RNF13: variants seen among roughly 807,000 people sequenced by gnomAD.
RNF13 encodes the protein ring finger protein 13.
A neutral mutation model predicts 37.7 loss-of-function variants in RNF13; 19 were observed. That is an observed-to-expected ratio of 0.50 (90% CI 0.35 to 0.74). The LOEUF is 0.74. RNF13 is among the 30% of genes least tolerant of loss of function. RNF13 has a pLI of 0.01. For synonymous variants in RNF13, 144 were observed against 157.8 expected (o/e 0.91, Z 0.65); for missense variants, 375 against 453.0 (o/e 0.83, Z 1.56).
intron 8 of RNF13, among the ~76,000 whole-genome samples, chr3:149,954,197 T>C (rs995478664): frequency 4.6e-5 from 7 of 151,512 alleles, no homozygotes; most frequent in Non-Finnish European, 7.4e-5. Context: ...ACACAGATGT[T>C]AGAAAAAAAA....
At chr3:149,874,653 A>G (rs558228023) in intron 4 of RNF13, among the ~76,000 whole-genome samples, 28 of 152,316 alleles carry the variant, frequency 1.8e-4, no homozygotes, top group African/African-American at 6.7e-4. Flanking sequence ...CATGTGATAT[A>G]GCAACTCAGT....
intron 4 of RNF13, among the ~76,000 whole-genome samples, chr3:149,878,509 A>G (rs1713014199): frequency 6.6e-6 from 1 of 152,208 alleles, no homozygotes; most frequent in South Asian, 2.1e-4. Context: ...TGCTTGCTAT[A>G]ATTCTGGATC....
At chr3:149,948,186 T>C (rs747658291) in intron 8 of RNF13, among the ~76,000 whole-genome samples, 24 of 152,048 alleles carry the variant, frequency 1.6e-4, no homozygotes, top group Non-Finnish European at 2.8e-4. Flanking sequence ...CCTAACCTCA[T>C]GATCTGCCCA....
intron 6 of RNF13, among the ~76,000 whole-genome samples, chr3:149,910,358 T>C (rs1716867577): frequency 6.6e-6 from 1 of 152,172 alleles, no homozygotes; most frequent in Non-Finnish European, 1.5e-5. Context: ...TCCTTTGTCA[T>C]CCCCCATTCT....
intron 8 of RNF13, among the ~76,000 whole-genome samples, chr3:149,956,802 T>C (rs1721909657): frequency 6.6e-6 from 1 of 152,198 alleles, no homozygotes; most frequent in Admixed American, 6.5e-5. Context: ...CAGGGGTTTC[T>C]ATGAGGGTTT....
chr3:149,865,738 T>G (rs900930967), intron 3 of RNF13, among the ~76,000 whole-genome samples: 5 of 152,200 alleles, frequency 3.3e-5, no homozygotes, highest in South Asian at 2.1e-4. Flanking sequence ...GCATTTGGTG[T>G]TGTTTTTCTA....
chr3:149,885,998 C>T lies in RNF13; in HGVS notation c.322-9475C>T, dbSNP rs781703638. Among the ~76,000 whole-genome samples the T allele has an allele frequency of 2.0e-5, 3 of 152,250 alleles. No homozygotes were observed. In the East Asian group the frequency reaches 5.8e-4, roughly 29 times the overall value. On this transcript the variant is annotated intron_variant, in intron 4 of 9. Transcript: ENST00000392894. ...ATTCATTGAAGAGACTGTCTTTTCC[C>T]CAGTGTATGTTCTTGACATTATTGT... is the stretch of plus-strand genomic sequence containing the variant.
chr3:149,899,587 A>T (rs1337549920), intron 5 of RNF13, among the ~76,000 whole-genome samples: 1 of 152,236 alleles, frequency 6.6e-6, no homozygotes, highest in Non-Finnish European at 1.5e-5. Context: ...AAGGTGAGCA[A>T]AAGTGCCAAC....
intron 2 of RNF13, among the ~76,000 whole-genome samples, chr3:149,846,827 T>C (rs980159458): frequency 6.6e-6 from 1 of 152,202 alleles, no homozygotes; most frequent in African/African-American, 2.4e-5. Context: ...TAATAATATT[T>C]AAGAAATTCT....
At chr3:149,844,774 T>A (rs947833613) in intron 1 of RNF13, among the ~76,000 whole-genome samples, 1 of 152,174 alleles carries the variant, frequency 6.6e-6, no homozygotes, top group African/African-American at 2.4e-5. Context: ...AAAGCTTTAT[T>A]GAGATACAAT....
In RNF13 at chr3:149,864,008, A is replaced by ATTT. The variant is rs535062004; in HGVS notation, c.196-7991_196-7989dup. ...GCTGGAATGGCAATGTTTGATTGGAATTTTTTTTTTTTTTTTTTTTTTTTT... is the reference window on the plus strand; with the variant it reads ...GCTGGAATGGCAATGTTTGATTGGAATTTTTTTTTTTTTTTTTTTTTTTTTTTT... On this transcript the variant is annotated intron_variant, in intron 3 of 9. Coordinates refer to ENST00000392894, the MANE Select transcript of RNF13 (RefSeq NM_183381.3). Among the ~76,000 whole-genome samples the ATTT allele has an allele frequency of 5.7e-4, 17 of 29,692 alleles. 1 individual carries two copies. Among genetic ancestry groups the ATTT allele is most frequent in the Non-Finnish European group, 7.3e-4 (13 of 17,906 alleles). The allele number at this position is 29,692 out of a possible 152,430, so 19.5% of individuals were successfully genotyped here.
intron 1 of RNF13, among the ~76,000 whole-genome samples, chr3:149,820,639 T>C (rs1241696955): frequency 1.3e-5 from 2 of 152,228 alleles, no homozygotes; most frequent in Non-Finnish European, 2.9e-5. Flanking sequence ...GTTAATTGCT[T>C]TTTTTGGAAA....
intron 6 of RNF13, among the ~76,000 whole-genome samples, chr3:149,904,271 C>G (rs1716167013): frequency 6.6e-6 from 1 of 152,124 alleles, no homozygotes; most frequent in South Asian, 2.1e-4. Flanking sequence ...AGTATGTACA[C>G]AACAGACTCA....
At chr3:149,853,862 G>T in intron 3 of RNF13, among the ~76,000 whole-genome samples, 1 of 141,344 alleles carries the variant, frequency 7.1e-6, no homozygotes, top group Admixed American at 7.1e-5. Flanking sequence ...TTTAAGGTAG[G>T]GTTTCACTCT....
chr3:149,816,776 A>G (rs1576702171), intron 1 of RNF13, among the ~76,000 whole-genome samples: 1 of 152,264 alleles, frequency 6.6e-6, no homozygotes, highest in African/African-American at 2.4e-5. Context: ...CTCTTTATGG[A>G]TAATAATTTG....
Position 149,961,019 on chromosome 3 carries a change from C to G in RNF13, c.1061C>G (p.Ala354Gly), listed in dbSNP as rs867098319. ...DDNEDTDSSD[A>G]ENEINEHDVV... ...AATGAAGATACTGACAGTAGTGATG[C>G]AGAAAATGAAATTAATGAACATGAT... The change falls in exon 10 of 10, where the codon GCA becomes GGA. Residue 354 changes from alanine to glycine, a missense_variant. Ala to Gly is a moderately conservative substitution (Grantham distance 60, BLOSUM62 0). Transcript: ENST00000392894. 3 of 1,613,978 alleles carry G rather than the reference C, an allele frequency of 1.9e-6. No homozygotes were observed. The African/African-American group carries it at 4.0e-5, about 22-fold the overall frequency.
At chr3:149,885,683 G>A (rs1713943283) in intron 4 of RNF13, among the ~76,000 whole-genome samples, 1 of 152,086 alleles carries the variant, frequency 6.6e-6, no homozygotes, top group African/African-American at 2.4e-5. Context: ...TCTGTAGGTT[G>A]TCTCTTTACT....
At chr3:149,893,028 A>C (rs548518392) in intron 4 of RNF13, among the ~76,000 whole-genome samples, 1 of 152,232 alleles carries the variant, frequency 6.6e-6, no homozygotes, top group Non-Finnish European at 1.5e-5. Context: ...AGCCAGTTCT[A>C]CACAGGGTCA....
intron 4 of RNF13, among the ~76,000 whole-genome samples, chr3:149,877,472 C>CTTTTTTTTTTTTTTTTTTTTTTGTTTT (rs369676407): frequency 9.9e-6 from 1 of 101,486 alleles, no homozygotes; most frequent in Non-Finnish European, 2.0e-5. Flanking sequence ...TTCTTTCTGT[C>CTTTTTTTTTTTTTTTTTTTTTTGTTTT]TTTTTTTTTT....
Sources: gnomAD v4.1 joint callset for allele counts (sites outside exome capture counted in the v4.1 genomes callset) on GRCh38, gnomAD v4.1.1 for gene constraint, MANE v1.5 for transcripts, NCBI Gene and HGNC (gene_info 2026-07-23, HGNC 2026-07-21) for gene names.